Variants in SUSD6 observed in about 807,000 individuals in gnomAD.
SUSD6 encodes the protein sushi domain-containing protein 6.
A neutral mutation model predicts 28.4 loss-of-function variants in SUSD6; 16 were observed. The ratio of observed to expected loss-of-function variants is 0.56; its 90% CI spans 0.38 to 0.86. SUSD6 has a LOEUF of 0.86. Ranked by LOEUF, SUSD6 falls within the 40% of genes least tolerant of loss-of-function variation. SUSD6 has a pLI of 0.00. For missense variants in SUSD6, 341 were observed against 384.2 expected (o/e 0.89, Z 0.94); for synonymous variants, 147 against 159.6 (o/e 0.92, Z 0.59).
intron 1 of SUSD6, among the ~76,000 whole-genome samples, chr14:69,613,815 C>T (rs897590069): frequency 6.6e-6 from 1 of 152,208 alleles, no homozygotes; most frequent in African/African-American, 2.4e-5. Flanking sequence ...CAAATCCTCA[C>T]TTACACCTAG....
At chr14:69,644,317 A>G (rs778874637) in intron 1 of SUSD6, among the ~76,000 whole-genome samples, 2 of 152,210 alleles carry the variant, frequency 1.3e-5, no homozygotes, top group Admixed American at 6.5e-5. Flanking sequence ...TGTGTTTATC[A>G]TAATCCCTTT....
chr14:69,629,339 G>A (rs769275778), intron 1 of SUSD6, among the ~76,000 whole-genome samples: 20 of 152,282 alleles, frequency 1.3e-4, no homozygotes, highest in African/African-American at 1.9e-4. Context: ...GTAGATGGCC[G>A]TTGGGCCCCC....
At chr14:69,639,372 A>G (rs1180046143) in intron 1 of SUSD6, among the ~76,000 whole-genome samples, 1 of 151,636 alleles carries the variant, frequency 6.6e-6, no homozygotes, top group Non-Finnish European at 1.5e-5. Flanking sequence ...TTAAAACAGA[A>G]GTTTAGAGCT....
rs762224119 is a variant in SUSD6, at chr14:69,658,583, C to T, written c.-10C>T. Reference sequence around the variant, plus strand: ...TTTTTTCTTTTTAAAAAAACTTGGACGGATAAAAGATGTGCCATGGCAGGA... The same window carrying T: ...TTTTTTCTTTTTAAAAAAACTTGGATGGATAAAAGATGTGCCATGGCAGGA... On this transcript the variant is annotated 5_prime_UTR_variant, in exon 2 of 6. In the 5' UTR this introduces an upstream ATG that the reference lacks. Coordinates refer to ENST00000342745, the MANE Select transcript of SUSD6 (RefSeq NM_014734.4). The T allele has an allele frequency of 1.0e-4, 167 of 1,612,704 alleles. No individual in the cohort carries two copies. Among genetic ancestry groups the T allele is most frequent in the Non-Finnish European group, 1.3e-4 (156 of 1,179,636 alleles).
chr14:69,708,907 A>T lies in SUSD6; in HGVS notation c.689A>T (p.Asp230Val), dbSNP rs35901642. The change falls in exon 5 of 6, where the codon GAT (aspartate) becomes GTT (valine). Residue 230 changes from aspartate to valine, a missense_variant. Physicochemically the swap from Asp to Val is radical, Grantham distance 152 (BLOSUM62 -3). Coordinates refer to ENST00000342745, the MANE Select transcript of SUSD6 (RefSeq NM_014734.4). Reference sequence around the variant, plus strand: ...GCCTGCTCCTCTGCAGGTGGAGAAGATGAGGCCCCAGGCCAGTCTGGACTA... The same window carrying T: ...GCCTGCTCCTCTGCAGGTGGAGAAGTTGAGGCCCCAGGCCAGTCTGGACTA... ...QGACSSAGGE[D>V]EAPGQSGLCE... The T allele has an allele frequency of 6.2e-7, 1 of 1,614,154 alleles. No individual in the cohort carries two copies. Among genetic ancestry groups the T allele is most frequent in the African/African-American group, 1.3e-5 (1 of 75,052 alleles).
At chr14:69,636,998 T>C (rs1160627402) in intron 1 of SUSD6, among the ~76,000 whole-genome samples, 2 of 152,222 alleles carry the variant, frequency 1.3e-5, no homozygotes, top group African/African-American at 4.8e-5. Flanking sequence ...CCAAAGTTCC[T>C]TAAGGCAGTA....
chr14:69,621,502 A>G (rs1253567288), intron 1 of SUSD6, among the ~76,000 whole-genome samples: 1 of 152,208 alleles, frequency 6.6e-6, no homozygotes, highest in Non-Finnish European at 1.5e-5. Flanking sequence ...AAGGCCAATC[A>G]GAAACAAACT....
chr14:69,684,850 CT>C (rs1886049236), intron 2 of SUSD6, among the ~76,000 whole-genome samples: 1 of 152,274 alleles, frequency 6.6e-6, no homozygotes, highest in African/African-American at 2.4e-5. Context: ...GAGTCTTCAA[CT>C]TTCACCTCAA....
At chr14:69,655,368 TA>T (rs1437775134) in intron 1 of SUSD6, among the ~76,000 whole-genome samples, 1 of 152,208 alleles carries the variant, frequency 6.6e-6, no homozygotes, top group Admixed American at 6.5e-5. Flanking sequence ...TTACAAACAA[TA>T]CATGAATATC....
chr14:69,682,324 GAA>G (rs1886008472), intron 2 of SUSD6, among the ~76,000 whole-genome samples: 1 of 152,102 alleles, frequency 6.6e-6, no homozygotes, highest in African/African-American at 2.4e-5. Flanking sequence ...GTGACAGAGT[GAA>G]AACTTGTCTC....
In SUSD6 at chr14:69,708,973, T is replaced by G. The variant is rs45544938; in HGVS notation, c.755T>G (p.Val252Gly). Residue 252 changes from valine to glycine, a missense_variant, in exon 5 of 6, where the codon GTG (valine) becomes GGG (glycine). By Grantham distance (109) the Val-to-Gly change is moderately radical. Transcript: ENST00000342745. Reference protein sequence around the residue: ...WGSRASETVMVHQATTSSWVA... With the variant: ...WGSRASETVMGHQATTSSWVA... ...TCTCGGGCCTCAGAGACTGTGATGG[T>G]GCATCAGGCAACCACCTCTTCCTGG... 3,015 of 1,614,104 alleles carry G rather than the reference T, an allele frequency of 1.9e-3. 8 individuals carry two copies. Among genetic ancestry groups the G allele is most frequent in the Non-Finnish European group, 2.4e-3 (2,782 of 1,180,020 alleles).
intron 1 of SUSD6, among the ~76,000 whole-genome samples, chr14:69,652,660 G>A (rs999490021): frequency 1.3e-5 from 2 of 152,136 alleles, no homozygotes; most frequent in African/African-American, 2.4e-5. Context: ...CCCCAGGCAC[G>A]TGGACTGAGG....
intron 1 of SUSD6, among the ~76,000 whole-genome samples, chr14:69,623,784 A>G (rs1165507501): frequency 6.6e-6 from 1 of 152,240 alleles, no homozygotes; most frequent in African/African-American, 2.4e-5. Context: ...TTTAACAAAA[A>G]AAGATTTTTT....
chr14:69,661,787 C>G (rs1885665673), intron 2 of SUSD6, among the ~76,000 whole-genome samples: 1 of 152,074 alleles, frequency 6.6e-6, no homozygotes, highest in African/African-American at 2.4e-5. Flanking sequence ...TTTTCCTCTT[C>G]TTGTGTTTCT....
intron 2 of SUSD6, among the ~76,000 whole-genome samples, chr14:69,674,100 G>A (rs1310620485): frequency 6.6e-6 from 1 of 152,104 alleles, no homozygotes; most frequent in African/African-American, 2.4e-5. Flanking sequence ...TTTTCTTTTT[G>A]GAGTCATTGG....
At chr14:69,683,394 G>C (rs1170156205) in intron 2 of SUSD6, among the ~76,000 whole-genome samples, 1 of 152,190 alleles carries the variant, frequency 6.6e-6, no homozygotes, top group Non-Finnish European at 1.5e-5. Flanking sequence ...GTCACATTTA[G>C]AAATGGTGAA....
chr14:69,671,639 G>C (rs936048258), intron 2 of SUSD6, among the ~76,000 whole-genome samples: 4 of 152,192 alleles, frequency 2.6e-5, no homozygotes, highest in African/African-American at 9.7e-5. Flanking sequence ...AGCAGCTGGC[G>C]TCTGGGCCCT....
intron 1 of SUSD6, among the ~76,000 whole-genome samples, chr14:69,631,475 T>G (rs1238637428): frequency 6.6e-6 from 1 of 152,246 alleles, no homozygotes; most frequent in African/African-American, 2.4e-5. Flanking sequence ...ATAGGTTATT[T>G]AGCCCTTCTG....
intron 2 of SUSD6, among the ~76,000 whole-genome samples, chr14:69,666,277 A>C (rs1276660474): frequency 6.6e-6 from 1 of 152,210 alleles, no homozygotes; most frequent in Non-Finnish European, 1.5e-5. Flanking sequence ...TTGGTGCTGG[A>C]GTGAGATCAG....
Sources: allele counts gnomAD v4.1 joint callset (sites outside exome capture counted in the v4.1 genomes callset), GRCh38; gene constraint gnomAD v4.1.1; transcripts MANE v1.5; gene names NCBI Gene and HGNC (gene_info 2026-07-23, HGNC 2026-07-21).